JARID2: variants seen among roughly 807,000 people sequenced by gnomAD.
The protein encoded by JARID2 is jumonji and AT-rich interaction domain containing 2.
JARID2 carries 21 observed loss-of-function variants against 125.6 expected under a neutral mutation model. That is an observed-to-expected ratio of 0.17 (90% confidence interval 0.12 to 0.24). The LOEUF (loss-of-function observed/expected upper bound fraction) is 0.24. JARID2 is among the 10% of genes least tolerant of loss of function. JARID2 has a pLI of 1.00. For synonymous variants in JARID2, 736 were observed against 661.6 expected (o/e 1.11, Z -1.73); for missense variants, 1,303 against 1,639.6 (o/e 0.79, Z 3.55).
rs201065246 is a variant in JARID2 at position 15,513,446 on chromosome 6, C to T, written c.3450+24C>T. The T allele has an allele frequency of 8.5e-5, 132 of 1,551,412 alleles. No individual in the cohort carries two copies. The African/African-American group carries it at 1.3e-3, about 15-fold the overall frequency. Reference sequence around the variant, plus strand: ...TGGTGAGCCCGCCTGGCCCTGCCGGCGCCCTCGCATGTAGTGCTTGGCCTG... The same window carrying T: ...TGGTGAGCCCGCCTGGCCCTGCCGGTGCCCTCGCATGTAGTGCTTGGCCTG... On this transcript the variant is annotated intron_variant, in intron 16 of 17. Transcript: ENST00000341776.
intron 5 of JARID2, among the ~76,000 whole-genome samples, chr6:15,469,525 C>T (rs1262310568): frequency 4.0e-5 from 6 of 150,422 alleles, no homozygotes; most frequent in Admixed American, 1.3e-4. Context: ...CTCTACCTCC[C>T]GGGTTCACGC....
In JARID2 at chr6:15,390,642, T is replaced by C. The variant is rs1177107283; in HGVS notation, c.181+16390T>C. ...TTGTTGACAGAGCTCAGGTCATCTC[T>C]GGGAACGCAAGCTGGGCCTTCTCAT... On this transcript the variant is annotated intron_variant, in intron 2 of 17. Coordinates refer to ENST00000341776, the MANE Select transcript of JARID2 (RefSeq NM_004973.4). 2.0e-5 allele frequency among the ~76,000 whole-genome samples: 3 copies of C among 152,308 alleles called. No homozygotes were observed. In the East Asian group the frequency reaches 5.8e-4, roughly 29 times the overall value.
intron 1 of JARID2, among the ~76,000 whole-genome samples, chr6:15,261,037 AATG>A (rs1157162694): frequency 6.6e-6 from 1 of 152,202 alleles, no homozygotes; most frequent in Non-Finnish European, 1.5e-5. Context: ...GAGTATAAAT[AATG>A]ATGATTATAA....
intron 1 of JARID2, among the ~76,000 whole-genome samples, chr6:15,253,124 C>T (rs1324585025): frequency 4.6e-5 from 7 of 151,606 alleles, no homozygotes; most frequent in African/African-American, 1.5e-4. Flanking sequence ...AGTGCAGTGG[C>T]GTGGTCTCTG....
intron 1 of JARID2, chr6:15,247,682 G>A (rs889289543): frequency 3.0e-6 from 3 of 985,062 alleles, no homozygotes; most frequent in African/African-American, 3.5e-5. Context: ...GACCTTCGGG[G>A]CACTGGTTTT....
chr6:15,454,332 A>AT (rs1426754063), intron 4 of JARID2, among the ~76,000 whole-genome samples: 1 of 152,176 alleles, frequency 6.6e-6, no homozygotes. Context: ...GTTCTTGGTG[A>AT]TTCTTAACAC....
At chr6:15,437,421 C>G (rs2127611174) in intron 3 of JARID2, among the ~76,000 whole-genome samples, 1 of 152,250 alleles carries the variant, frequency 6.6e-6, no homozygotes, top group East Asian at 1.9e-4. Flanking sequence ...TATGCACTGT[C>G]CTTTACGCTT....
chr6:15,254,675 A>G (rs1759587143), intron 1 of JARID2, among the ~76,000 whole-genome samples: 1 of 152,196 alleles, frequency 6.6e-6, no homozygotes, highest in Non-Finnish European at 1.5e-5. Context: ...CATGAAGAGG[A>G]AGGCCAGTGA....
chr6:15,517,564 AC>A (rs766470625), intron 17 of JARID2, among the ~76,000 whole-genome samples: 39 of 152,236 alleles, frequency 2.6e-4, no homozygotes, highest in Non-Finnish European at 4.6e-4. Context: ...TGTGGTTTAG[AC>A]CCAGACCCTT....
At chr6:15,405,748 A>C (rs761527977) in intron 2 of JARID2, among the ~76,000 whole-genome samples, 3 of 152,184 alleles carry the variant, frequency 2.0e-5, no homozygotes, top group Non-Finnish European at 4.4e-5. Flanking sequence ...TTTCTCGTTG[A>C]CTAAAAATAA....
chr6:15,384,077 A>G (rs1457582064), intron 2 of JARID2, among the ~76,000 whole-genome samples: 1 of 152,152 alleles, frequency 6.6e-6, no homozygotes, highest in African/African-American at 2.4e-5. Flanking sequence ...TATAGGCGTG[A>G]GCCACCGTGC....
intron 6 of JARID2, among the ~76,000 whole-genome samples, chr6:15,494,433 T>TTTTTTTTA (rs1554144113): frequency 2.0e-5 from 3 of 147,296 alleles, no homozygotes; most frequent in African/African-American, 5.0e-5. Flanking sequence ...TTTTTTTTTT[T>TTTTTTTTA]GAGACAAGAG....
rs1032519011 is a variant in JARID2, at chr6:15,279,364, A to T, written c.45+32780A>T. ...TGTGTCCCAGGTGATATGTATGCCC[A>T]CTAGTTTGATTTTGTTGGCGGTGGG... On this transcript the variant is annotated intron_variant, in intron 1 of 17. Coordinates refer to ENST00000341776, the MANE Select transcript of JARID2 (RefSeq NM_004973.4). Among the ~76,000 whole-genome samples the T allele has an allele frequency of 2.0e-5, 3 of 152,170 alleles. No homozygotes were observed. In the East Asian group the frequency reaches 5.8e-4, roughly 29 times the overall value.
chr6:15,341,833 G>T (rs1763079851), intron 1 of JARID2, among the ~76,000 whole-genome samples: 2 of 152,188 alleles, frequency 1.3e-5, no homozygotes, highest in Admixed American at 6.5e-5. Context: ...AATATTATGG[G>T]AGGGTGTGTG....
chr6:15,481,635 G>T (rs1769620985), intron 5 of JARID2, among the ~76,000 whole-genome samples: 1 of 151,884 alleles, frequency 6.6e-6, no homozygotes, highest in African/African-American at 2.4e-5. Context: ...TCCTCCCCCT[G>T]CCCCCTTTAC....
intron 2 of JARID2, among the ~76,000 whole-genome samples, chr6:15,382,565 G>C (rs1432650983): frequency 6.6e-6 from 1 of 152,140 alleles, no homozygotes; most frequent in Non-Finnish European, 1.5e-5. Flanking sequence ...CAAAATTAAG[G>C]ACTGCTAGAG....
intron 1 of JARID2, among the ~76,000 whole-genome samples, chr6:15,328,341 G>A (rs1762599707): frequency 6.6e-6 from 1 of 152,186 alleles, no homozygotes; most frequent in African/African-American, 2.4e-5. Context: ...CACTGGGCAG[G>A]ATGATATGCT....
chr6:15,485,422 G>A (rs972457761), intron 5 of JARID2, among the ~76,000 whole-genome samples: 4 of 152,204 alleles, frequency 2.6e-5, no homozygotes, highest in Non-Finnish European at 5.9e-5. Context: ...GTTGATGAAA[G>A]GGTGCATGCA....
At chr6:15,402,385 A>G (rs894351566) in intron 2 of JARID2, among the ~76,000 whole-genome samples, 6 of 152,220 alleles carry the variant, frequency 3.9e-5, no homozygotes, top group Non-Finnish European at 8.8e-5. Context: ...ACACACTTGT[A>G]ATTACTTGAA....
Sources: gnomAD v4.1 joint callset for allele counts (sites outside exome capture counted in the v4.1 genomes callset) on GRCh38, gnomAD v4.1.1 for gene constraint, MANE v1.5 for transcripts, NCBI Gene and HGNC (gene_info 2026-07-23, HGNC 2026-07-21) for gene names.